MAP7: variants seen among roughly 807,000 people sequenced by gnomAD.
The protein encoded by MAP7 is microtubule associated protein 7.
A neutral mutation model predicts 94.8 loss-of-function variants in MAP7; 52 were observed. That is an observed-to-expected ratio of 0.55 (90% confidence interval 0.44 to 0.69). The LOEUF (loss-of-function observed/expected upper bound fraction) is 0.69, where lower values mean the gene tolerates loss of function less well. Among genes scored for constraint, MAP7 ranks in the 30% least tolerant of loss-of-function variants. The pLI, the probability that MAP7 is intolerant of heterozygous loss-of-function variation, is 0.00. For missense variants in MAP7, 940 were observed against 964.6 expected, an observed-to-expected ratio of 0.97 and a Z score of 0.34; for synonymous variants, 350 against 357.0, an observed-to-expected ratio of 0.98 and a Z score of 0.22.
At chr6:136,472,148 C>G (rs990615632) in intron 1 of MAP7, among the ~76,000 whole-genome samples, 11 of 152,074 alleles carry the variant, frequency 7.2e-5, no homozygotes, top group Admixed American at 6.5e-4. Context: ...TTTGCAACAG[C>G]TCAAAGATTC....
chr6:136,542,635 C>T (rs894301459), intron 1 of MAP7, among the ~76,000 whole-genome samples: 1 of 151,624 alleles, frequency 6.6e-6, no homozygotes, highest in Non-Finnish European at 1.5e-5. Flanking sequence ...ATGGCACTTC[C>T]GTCTATAATC....
intron 1 of MAP7, among the ~76,000 whole-genome samples, chr6:136,486,668 C>G (rs1431446986): frequency 6.6e-6 from 1 of 152,134 alleles, no homozygotes; most frequent in African/African-American, 2.4e-5. Flanking sequence ...TGTGGTTATG[C>G]CCCAGAGCTC....
At chr6:136,357,458 A>C (rs1055291648) in intron 15 of MAP7, among the ~76,000 whole-genome samples, 5 of 152,266 alleles carry the variant, frequency 3.3e-5, no homozygotes, top group African/African-American at 9.6e-5. Context: ...GCTTGATGTG[A>C]GAGAATAACT....
chr6:136,483,129 CAAAAAAAAAA>C (rs57320038), intron 1 of MAP7, among the ~76,000 whole-genome samples: 3 of 83,134 alleles, frequency 3.6e-5, no homozygotes, highest in African/African-American at 7.4e-5. Flanking sequence ...AAGTATCTTT[CAAAAAAAAAA>C]AAAAAAAAGA....
chr6:136,515,492 C>G (rs1824536253), intron 1 of MAP7, among the ~76,000 whole-genome samples: 1 of 152,218 alleles, frequency 6.6e-6, no homozygotes, highest in Admixed American at 6.5e-5. Context: ...TAGGCTTAAT[C>G]ATTTCTAGCT....
In MAP7 at chr6:136,345,969, A is replaced by C. The variant is rs201705301; in HGVS notation, c.2126T>G (p.Val709Gly). 1 of 1,613,724 alleles carries C rather than the reference A, an allele frequency of 6.2e-7. No individual in the cohort carries two copies. The highest frequency in any genetic ancestry group is 1.7e-5 in the Admixed American group (1 of 60,022). ...PIGSKPSRLD[V>G]TNSESPEIPL... ...AATTTCTGGGCTCTCACTGTTGGTG[A>C]CATCTAATCTGGATGGTTTAGATCC... The change falls in exon 17 of 18, where the codon GTC becomes GGC. Residue 709 changes from valine (V) to glycine (G), a missense_variant. Transcript: ENST00000354570.
At chr6:136,534,778 A>G (rs1451028384) in intron 1 of MAP7, among the ~76,000 whole-genome samples, 1 of 152,168 alleles carries the variant, frequency 6.6e-6, no homozygotes, top group African/African-American at 2.4e-5. Flanking sequence ...GCTTAAAAGC[A>G]TTATCAAATG....
Position 136,428,421 on chromosome 6 carries a change from G to A in MAP7, c.68-6622C>T, listed in dbSNP as rs1793894962. 2.0e-5 allele frequency among the ~76,000 whole-genome samples: 3 copies of A among 152,142 alleles called. No individual in the cohort carries two copies. In the South Asian group the frequency reaches 6.2e-4, roughly 32 times the overall value. On this transcript the variant is annotated intron_variant, in intron 1 of 17. Coordinates refer to ENST00000354570, the MANE Select transcript of MAP7 (RefSeq NM_003980.6). ...ATTAATCCCAGCTACTCGGGAGGCT[G>A]AGGCAGGAGAATCGCTTGAACCCAG...
At chr6:136,522,326 A>C (rs1040604057) in intron 1 of MAP7, among the ~76,000 whole-genome samples, 1 of 152,114 alleles carries the variant, frequency 6.6e-6, no homozygotes, top group African/African-American at 2.4e-5. Context: ...TACCGATTAC[A>C]TGGAAGAGTA....
chr6:136,419,389 T>C (rs1426527823), intron 2 of MAP7, among the ~76,000 whole-genome samples: 7 of 152,228 alleles, frequency 4.6e-5, no homozygotes, highest in African/African-American at 1.7e-4. Context: ...AAATTCTCAT[T>C]GTATTACAAA....
intron 1 of MAP7, among the ~76,000 whole-genome samples, chr6:136,513,887 T>C (rs1202899715): frequency 6.6e-6 from 1 of 152,130 alleles, no homozygotes; most frequent in Non-Finnish European, 1.5e-5. Context: ...GTTATATAAA[T>C]TGCATGTGTT....
At chr6:136,529,249 G>A (rs1346071381) in intron 1 of MAP7, among the ~76,000 whole-genome samples, 1 of 151,530 alleles carries the variant, frequency 6.6e-6, no homozygotes, top group Non-Finnish European at 1.5e-5. Flanking sequence ...TGAGTAACTG[G>A]GATTACAGGC....
chr6:136,541,319 C>G (rs1829297133), intron 1 of MAP7, among the ~76,000 whole-genome samples: 1 of 152,186 alleles, frequency 6.6e-6, no homozygotes, highest in Non-Finnish European at 1.5e-5. Flanking sequence ...GACATTTAAA[C>G]TGATCCTAGA....
intron 1 of MAP7, among the ~76,000 whole-genome samples, chr6:136,489,118 G>A (rs771613179): frequency 5.3e-5 from 8 of 151,892 alleles, no homozygotes; most frequent in African/African-American, 7.3e-5. Context: ...GAAAAACACC[G>A]CAAACCATTT....
chr6:136,397,734 G>C (rs1008894090), intron 3 of MAP7, among the ~76,000 whole-genome samples: 1 of 152,170 alleles, frequency 6.6e-6, no homozygotes, highest in African/African-American at 2.4e-5. Flanking sequence ...CTCCAGAGCT[G>C]TGAGAAAATA....
chr6:136,356,932 ACT>A, intron 15 of MAP7, 138 bp from the exon 16 acceptor site: 1 of 640,674 alleles, frequency 1.6e-6, no homozygotes, highest in Non-Finnish European at 2.8e-6. Flanking sequence ...CATCACCTAA[ACT>A]CTCTGTGCCT....
At chr6:136,518,231 A>G (rs1442790817) in intron 1 of MAP7, among the ~76,000 whole-genome samples, 1 of 152,206 alleles carries the variant, frequency 6.6e-6, no homozygotes, top group African/African-American at 2.4e-5. Flanking sequence ...ATATATATTC[A>G]AGATCAAAAC....
intron 5 of MAP7, among the ~76,000 whole-genome samples, chr6:136,387,993 A>G (rs1582757144): frequency 6.6e-6 from 1 of 152,224 alleles, no homozygotes; most frequent in African/African-American, 2.4e-5. Context: ...CAGAATACAT[A>G]AGCTCATAGT....
Position 136,411,700 on chromosome 6 carries a change from G to C in MAP7, c.167-3C>G. On this transcript the variant is annotated splice_region_variant and splice_polypyrimidine_tract_variant and intron_variant, in intron 2 of 17. Coordinates refer to ENST00000354570, the MANE Select transcript of MAP7 (RefSeq NM_003980.6). ...AACACGTAACACAGGCGGAGGGTCT[G>C]AAAGCGAGATTAAAAAAAACATGAG... The C allele has an allele frequency of 6.4e-7, 1 of 1,555,602 alleles. No homozygotes were observed. The highest frequency in any genetic ancestry group is 8.7e-7 in the Non-Finnish European group (1 of 1,149,212).
Sources: gnomAD v4.1 joint callset for allele counts (sites outside exome capture counted in the v4.1 genomes callset) on GRCh38, gnomAD v4.1.1 for gene constraint, MANE v1.5 for transcripts, NCBI Gene and HGNC (gene_info 2026-07-23, HGNC 2026-07-21) for gene names.